The following BCKDHB variants were observed in gnomAD, a reference collection of about 807,000 sequenced individuals.
The protein encoded by BCKDHB is 2-oxoisovalerate dehydrogenase subunit beta, mitochondrial.
A neutral mutation model predicts 48.5 loss-of-function variants in BCKDHB; 41 were observed. The ratio of observed to expected loss-of-function variants is 0.85; its 90% CI spans 0.66 to 1.10. The LOEUF (loss-of-function observed/expected upper bound fraction) is 1.10, where lower values mean the gene tolerates loss of function less well. BCKDHB is among the 50% of genes least tolerant of loss of function. The pLI, the probability that BCKDHB is intolerant of heterozygous loss-of-function variation, is 0.00. For synonymous variants in BCKDHB, 201 were observed against 174.8 expected, an observed-to-expected ratio of 1.15 and a Z score of -1.18; for missense variants, 496 against 494.2, an observed-to-expected ratio of 1.00 and a Z score of -0.03.
At position 80,314,247 on chromosome 6, in the gene BCKDHB, G is replaced by T. The variant is rs540225066; in HGVS notation, c.1039-29417G>T. Among the ~76,000 whole-genome samples, 3 of 152,364 alleles carry T rather than the reference G, an allele frequency of 2.0e-5. No homozygotes were observed. The East Asian group carries it at 5.8e-4, about 29-fold the overall frequency. On this transcript the variant is annotated intron_variant, in intron 9 of 9. Coordinates refer to ENST00000320393, the MANE Select transcript of BCKDHB (RefSeq NM_183050.4). ...ATATGCTCTTCTATTTGGGTAGAGA[G>T]TTCTGTAGATACCTATCAGGTCTGC...
At position 80,209,141 on chromosome 6, in the gene BCKDHB, C is replaced by T. The variant is rs1227294207; in HGVS notation, c.951+5929C>T. 2.0e-5 allele frequency among the ~76,000 whole-genome samples: 3 copies of T among 151,732 alleles called. No homozygotes were observed. In the East Asian group the frequency reaches 5.8e-4, roughly 29 times the overall value. On this transcript the variant is annotated intron_variant, in intron 8 of 9. Coordinates refer to ENST00000320393, the MANE Select transcript of BCKDHB (RefSeq NM_183050.4). The stretch of plus-strand genomic sequence containing the variant: ...TTCATGATTAAAATTTCATAGCAAC[C>T]TAGAAATGGAAGATAATTATCTTAC...
At chr6:80,441,829 T>C in the BCKDHB span, among the ~76,000 whole-genome samples, 1 of 152,172 alleles carries the variant, frequency 6.6e-6, no homozygotes, top group Non-Finnish European at 1.5e-5. Context: ...ATTTAGATGA[T>C]AGGAATAAAT....
the BCKDHB span, among the ~76,000 whole-genome samples, chr6:80,445,661 C>T: frequency 3.3e-5 from 5 of 152,264 alleles, no homozygotes; most frequent in East Asian, 9.6e-4. Context: ...AGACTTGTAG[C>T]AGATACATCT....
At chr6:80,407,465 G>A in the BCKDHB span, among the ~76,000 whole-genome samples, 2 of 152,206 alleles carry the variant, frequency 1.3e-5, no homozygotes. Flanking sequence ...CCATTTTCAC[G>A]ATATTGATTC....
chr6:80,389,573 C>G, the BCKDHB span, among the ~76,000 whole-genome samples: 4 of 152,236 alleles, frequency 2.6e-5, no homozygotes, highest in Non-Finnish European at 5.9e-5. Context: ...TATCCACCAT[C>G]ATGGTGTTCC....
intron 1 of BCKDHB, among the ~76,000 whole-genome samples, chr6:80,119,984 T>C (rs1266293813): frequency 6.6e-6 from 1 of 152,104 alleles, no homozygotes; most frequent in Middle Eastern, 3.2e-3. Flanking sequence ...TTACATTAGG[T>C]ATTTCTTCTA....
intron 9 of BCKDHB, among the ~76,000 whole-genome samples, chr6:80,335,564 G>A (rs1247682179): frequency 1.3e-5 from 2 of 152,028 alleles, no homozygotes; most frequent in Non-Finnish European, 2.9e-5. Context: ...TTTAACAAAA[G>A]CATGGTAGCC....
At chr6:80,393,724 G>A in the BCKDHB span, among the ~76,000 whole-genome samples, 17 of 152,164 alleles carry the variant, frequency 1.1e-4, no homozygotes, top group African/African-American at 3.4e-4. Flanking sequence ...CACAGCTATC[G>A]TCTTGGATTT....
intron 9 of BCKDHB, among the ~76,000 whole-genome samples, chr6:80,308,561 A>T (rs1487268305): frequency 6.6e-6 from 1 of 151,844 alleles, no homozygotes; most frequent in Non-Finnish European, 1.5e-5. Flanking sequence ...GGGGAAAAAA[A>T]ACCCAACACA....
In BCKDHB at chr6:80,149,834, G is replaced by A. The variant is rs147246459; in HGVS notation, c.344-17844G>A. Among the ~76,000 whole-genome samples the A allele has an allele frequency of 2.6e-3, 368 of 142,546 alleles. 5 individuals carry two copies. The highest frequency in any genetic ancestry group is 9.3e-3 in the African/African-American group (356 of 38,198). 93.5% of individuals were successfully genotyped at this position (142,546 alleles called of 152,430 possible). A position where few individuals can be genotyped will look rare whatever the true frequency, so the allele number is the denominator to read the frequency against. ...TACACTCTGGGGACTGTTATGGGAT[G>A]GGGGGAGGGGGGAGGGATAGCATTA... is the stretch of plus-strand genomic sequence containing the variant. On this transcript the variant is annotated intron_variant, in intron 3 of 9. Coordinates refer to ENST00000320393, the MANE Select transcript of BCKDHB (RefSeq NM_183050.4).
At chr6:80,241,187 A>G (rs567839982) in intron 8 of BCKDHB, among the ~76,000 whole-genome samples, 10 of 152,206 alleles carry the variant, frequency 6.6e-5, no homozygotes, top group African/African-American at 2.4e-4. Context: ...CTTGCGATGG[A>G]TTCGAACATC....
rs1186792983 is a variant in BCKDHB, at chr6:80,106,769, C to A, written c.76C>A (p.Leu26Ile). Reference sequence around the variant, plus strand: ...AGGGGCTGAGGGGCACTGGCGTCGGCTTCCTGGCGCGGGGCTGGCGCGGGG... The same window carrying A: ...AGGGGCTGAGGGGCACTGGCGTCGGATTCCTGGCGCGGGGCTGGCGCGGGG... ...AAGAEGHWRR[L>I]PGAGLARGFL... The change falls in exon 1 of 10, where the codon CTT (leucine) becomes ATT (isoleucine). Residue 26 changes from leucine (L) to isoleucine (I), a missense_variant. Coordinates refer to ENST00000320393, the MANE Select transcript of BCKDHB (RefSeq NM_183050.4). 6.3e-7 allele frequency: 1 copy of A among 1,586,204 alleles called. No individual in the cohort carries two copies. Among genetic ancestry groups the A allele is most frequent in the Non-Finnish European group, 8.6e-7 (1 of 1,167,466 alleles).
At chr6:80,318,495 T>C (rs963856146) in intron 9 of BCKDHB, among the ~76,000 whole-genome samples, 3 of 152,138 alleles carry the variant, frequency 2.0e-5, no homozygotes, top group African/African-American at 7.2e-5. Context: ...GAGACCAGTC[T>C]GACCAATACG....
chr6:80,125,761 A>T (rs1582187972), intron 1 of BCKDHB, among the ~76,000 whole-genome samples: 1 of 152,098 alleles, frequency 6.6e-6, no homozygotes, highest in African/African-American at 2.4e-5. Context: ...TTGGGGTGCC[A>T]TGGCAGAATG....
intron 8 of BCKDHB, among the ~76,000 whole-genome samples, chr6:80,250,404 C>T (rs1221672146): frequency 6.6e-6 from 1 of 152,138 alleles, no homozygotes; most frequent in African/African-American, 2.4e-5. Flanking sequence ...TGAATTCTAG[C>T]TTTTGCAACA....
intron 9 of BCKDHB, among the ~76,000 whole-genome samples, chr6:80,288,609 C>T (rs2127982015): frequency 6.6e-6 from 1 of 152,102 alleles, no homozygotes; most frequent in Admixed American, 6.5e-5. Context: ...TGAGTATTTG[C>T]CAACTGTGTA....
intron 8 of BCKDHB, among the ~76,000 whole-genome samples, chr6:80,231,316 T>C (rs565012776): frequency 1.2e-4 from 18 of 152,254 alleles, no homozygotes; most frequent in African/African-American, 4.3e-4. Flanking sequence ...GCAGAAAATA[T>C]AGAAGCTATA....
At chr6:80,460,596 C>G in the BCKDHB span, among the ~76,000 whole-genome samples, 1 of 152,080 alleles carries the variant, frequency 6.6e-6, no homozygotes. Flanking sequence ...GGTTTATCCT[C>G]AAAACATTGA....
chr6:80,199,130 C>T (rs1485922820), intron 6 of BCKDHB, among the ~76,000 whole-genome samples: 1 of 152,086 alleles, frequency 6.6e-6, no homozygotes, highest in Non-Finnish European at 1.5e-5. Flanking sequence ...TGTGCCCTGG[C>T]TGCAGAGGAA....
Sources: allele counts gnomAD v4.1 joint callset (sites outside exome capture counted in the v4.1 genomes callset), GRCh38; gene constraint gnomAD v4.1.1; transcripts MANE v1.5; gene names NCBI Gene and HGNC (gene_info 2026-07-23, HGNC 2026-07-21).